The following SPNS3 variants were observed in gnomAD, a reference collection of about 807,000 sequenced individuals.
The protein encoded by SPNS3 is protein spinster homolog 3.
In SPNS3, 51 loss-of-function variants were observed where a neutral mutation model predicts 54.4. The observed-to-expected ratio is 0.94, with a 90% CI of 0.75 to 1.18. The LOEUF (loss-of-function observed/expected upper bound fraction) is 1.18, where lower values mean the gene tolerates loss of function less well. Among genes scored for constraint, SPNS3 ranks in the 50% most tolerant of loss-of-function variants. The probability of loss-of-function intolerance (pLI) is 0.00; values close to 1 mark genes in which losing one functional copy is unlikely to be tolerated. For synonymous variants in SPNS3, 309 were observed against 294.7 expected (o/e 1.05, Z -0.50); for missense variants, 669 against 677.4 (o/e 0.99, Z 0.14).
intron 8 of SPNS3, among the ~76,000 whole-genome samples, chr17:4,476,529 G>C (rs1314233801): frequency 6.6e-6 from 1 of 152,208 alleles, no homozygotes; most frequent in African/African-American, 2.4e-5. Flanking sequence ...GAGGCCTGGA[G>C]GGCCAGGTGC....
chr17:4,487,664 G>T, intron 11 of SPNS3, 142 bp from the exon 12 acceptor site: 1 of 764,852 alleles, frequency 1.3e-6, no homozygotes. Context: ...TGGCATTGAA[G>T]GTGATGACAA....
chr17:4,470,993 C>T (rs1180437311), intron 8 of SPNS3, among the ~76,000 whole-genome samples: 4 of 152,136 alleles, frequency 2.6e-5, no homozygotes, highest in African/African-American at 7.2e-5. Flanking sequence ...GGCACGAACT[C>T]GGATCACCAC....
intron 8 of SPNS3, among the ~76,000 whole-genome samples, chr17:4,465,589 T>C (rs1470306675): frequency 6.6e-6 from 1 of 152,104 alleles, no homozygotes; most frequent in Non-Finnish European, 1.5e-5. Flanking sequence ...TAGCCTGGCA[T>C]GATGGCAGGT....
intron 9 of SPNS3, among the ~76,000 whole-genome samples, chr17:4,480,027 C>A (rs140285007): frequency 2.0e-5 from 3 of 152,248 alleles, no homozygotes; most frequent in Non-Finnish European, 4.4e-5. Flanking sequence ...CATGTATAGT[C>A]GTTGAATCTG....
In SPNS3 at chr17:4,483,892, C is replaced by G. The variant is rs1220602846; in HGVS notation, c.1180-2336C>G. ...CCCTGGGATTCTGGAATCCAGAGAT[C>G]GTGTCCCTGGGATCCTCCCTCCACA... On this transcript the variant is annotated intron_variant, in intron 9 of 11. Coordinates refer to ENST00000355530, the MANE Select transcript of SPNS3 (RefSeq NM_182538.5). This position sits in a 1 kb window ranked among gnomAD's most constrained non-coding sequence, Gnocchi z 4.2. Among the ~76,000 whole-genome samples the G allele has an allele frequency of 6.6e-6, 1 of 152,160 alleles. No homozygotes were observed. Among genetic ancestry groups the G allele is most frequent in the East Asian group, 1.9e-4 (1 of 5,196 alleles).
chr17:4,478,402 GC>G (rs1228128639), intron 8 of SPNS3, among the ~76,000 whole-genome samples, 169 bp from the exon 9 acceptor site: 1 of 152,156 alleles, frequency 6.6e-6, no homozygotes, highest in Middle Eastern at 3.2e-3. Flanking sequence ...TACCGTCAAG[GC>G]TGCTGGAACT....
chr17:4,434,081 C>T lies in SPNS3; in HGVS notation c.114C>T (p.Ser38=). Reference sequence around the variant, plus strand: ...CTCCCATCACGCCCACCTCCTGGAGCCTGCCCCCGTGGAGGGCCTACGTGG... The same window carrying T: ...CTCCCATCACGCCCACCTCCTGGAGTCTGCCCCCGTGGAGGGCCTACGTGG... ...CPPPITPTSW[S]LPPWRAYVAA... The change falls in exon 1 of 12, where the codon AGC becomes AGT. Residue 38 remains serine, a synonymous_variant. Transcript: ENST00000355530. 1.9e-6 allele frequency: 3 copies of T among 1,612,238 alleles called. No individual in the cohort carries two copies. Among genetic ancestry groups the T allele is most frequent in the South Asian group, 1.1e-5 (1 of 90,828 alleles).
chr17:4,486,953 T>C lies in SPNS3; in HGVS notation c.1450+370T>C, dbSNP rs977322266. ...CTTGGGGAGGCCAAGGCGGGCGGAT[T>C]ACAAGGTTAGGAGTTCAAGACCAGC... is the stretch of plus-strand genomic sequence containing the variant. On this transcript the variant is annotated intron_variant, in intron 11 of 11. Transcript: ENST00000355530. This position sits in a 1 kb window ranked among gnomAD's most constrained non-coding sequence, Gnocchi z 5.5. Among the ~76,000 whole-genome samples the C allele has an allele frequency of 4.0e-5, 6 of 151,558 alleles. No individual in the cohort carries two copies. The highest frequency in any genetic ancestry group is 7.4e-5 in the Non-Finnish European group (5 of 67,852).
chr17:4,469,485 G>A (rs1234764384), intron 8 of SPNS3, among the ~76,000 whole-genome samples: 1 of 152,076 alleles, frequency 6.6e-6, no homozygotes. Flanking sequence ...CGAGGGTGAC[G>A]GTGGGTGCCT....
At chr17:4,475,666 A>G (rs1199921244) in intron 8 of SPNS3, among the ~76,000 whole-genome samples, 1 of 152,110 alleles carries the variant, frequency 6.6e-6, no homozygotes, top group African/African-American at 2.4e-5. Context: ...ATGTTTGGGG[A>G]CAGGGGAGAG....
At position 4,486,211 on chromosome 17, in the gene SPNS3, G is replaced by C; in HGVS notation, c.1180-17G>C. The C allele has an allele frequency of 6.6e-7, 1 of 1,525,018 alleles. No homozygotes were observed. Among genetic ancestry groups the C allele is most frequent in the Non-Finnish European group, 8.8e-7 (1 of 1,139,038 alleles). 94.5% of individuals were successfully genotyped at this position (1,525,018 alleles called of 1,614,324 possible). ...CCCTCACTTGGGGTGCCCCCCTGCT[G>C]TGCCTATGTTTTGCAGTCTGTGGTG... On this transcript the variant is annotated splice_polypyrimidine_tract_variant and intron_variant, in intron 9 of 11. Transcript: ENST00000355530. The surrounding 1 kb of genome is among the most constrained non-coding windows in gnomAD (Gnocchi z 5.5).
chr17:4,487,160 A>G (rs1972342441), intron 11 of SPNS3, among the ~76,000 whole-genome samples: 1 of 125,622 alleles, frequency 8.0e-6, no homozygotes, highest in African/African-American at 3.1e-5. Context: ...CGACAGCAAG[A>G]CTGTCTCAAA....
At chr17:4,446,848 T>C (rs1324278829) in intron 4 of SPNS3, 48 bp from the exon 5 acceptor site, 8 of 1,582,476 alleles carry the variant, frequency 5.1e-6, no homozygotes, top group South Asian at 1.1e-5. Flanking sequence ...GGGTCTGCCT[T>C]CCGCCTCCCT....
rs72821822 is a variant in SPNS3, at chr17:4,487,979, G to T, written c.*85G>T. ...CCTCGGTTCCTCTTTGGCTGTCCTC[G>T]GGGACTCCGGCTGAGGCACATCTGC... is the stretch of plus-strand genomic sequence containing the variant. On this transcript the variant is annotated 3_prime_UTR_variant, in exon 12 of 12. Coordinates refer to ENST00000355530, the MANE Select transcript of SPNS3 (RefSeq NM_182538.5). 3 of 1,216,218 alleles carry T rather than the reference G, an allele frequency of 2.5e-6. No individual in the cohort carries two copies. In the East Asian group the frequency reaches 7.0e-5, roughly 28 times the overall value. The allele number at this position is 1,216,218 out of a possible 1,614,324, so 75.3% of individuals were successfully genotyped here. A position where few individuals can be genotyped will look rare whatever the true frequency, so the allele number is the denominator to read the frequency against.
At chr17:4,468,587 G>A (rs1472489114) in intron 8 of SPNS3, among the ~76,000 whole-genome samples, 4 of 151,986 alleles carry the variant, frequency 2.6e-5, no homozygotes, top group Non-Finnish European at 5.9e-5. Context: ...GTGGCGGCGG[G>A]GGAAGACTGA....
intron 8 of SPNS3, among the ~76,000 whole-genome samples, chr17:4,472,662 C>T (rs1215999727): frequency 2.6e-5 from 4 of 151,552 alleles, no homozygotes; most frequent in Admixed American, 6.6e-5. Flanking sequence ...GGGACTACTA[C>T]TCAGTTAATT....
chr17:4,446,801 G>A, intron 4 of SPNS3, 95 bp from the exon 5 acceptor site: 2 of 1,179,100 alleles, frequency 1.7e-6, no homozygotes, highest in Non-Finnish European at 2.5e-6. Context: ...CAGCTCCCTG[G>A]GGCGTGGGGG....
rs371632968 is a variant in SPNS3 at position 4,487,872 on chromosome 17, G to C, written c.1517G>C (p.Gly506Ala). The change falls in exon 12 of 12, where the codon GGC becomes GCC. Residue 506 changes from glycine to alanine, a missense_variant. Transcript: ENST00000355530. ...AGACAAGGCCTACTTTCGGGCGCTG[G>C]CGCCTCTACAGAGGAGCCCTGAGGT... ...LERQGLLSGA[G>A]ASTEEP 2 of 1,613,954 alleles carry C rather than the reference G, an allele frequency of 1.2e-6. No individual in the cohort carries two copies. The highest frequency in any genetic ancestry group is 1.7e-6 in the Non-Finnish European group (2 of 1,179,914).
chr17:4,455,592 C>G (rs1306618838), intron 8 of SPNS3, among the ~76,000 whole-genome samples: 1 of 152,168 alleles, frequency 6.6e-6, no homozygotes, highest in Non-Finnish European at 1.5e-5. Flanking sequence ...AAGGGGCCCC[C>G]TCTCATGAGC....
Sources: allele counts gnomAD v4.1 joint callset (sites outside exome capture counted in the v4.1 genomes callset), GRCh38; gene constraint gnomAD v4.1.1; non-coding constraint Gnocchi (gnomAD v3.1); transcripts MANE v1.5; gene names NCBI Gene and HGNC (gene_info 2026-07-23, HGNC 2026-07-21).